Variants in DLGAP1 observed in about 807,000 individuals in gnomAD.
DLGAP1 encodes DLG associated protein 1.
In DLGAP1, 11 loss-of-function variants were observed where a neutral mutation model predicts 90.8. That is an observed-to-expected ratio of 0.12 (90% CI 0.08 to 0.20). DLGAP1 has a LOEUF of 0.20. Ranked by LOEUF, DLGAP1 falls within the 10% of genes least tolerant of loss-of-function variation. The pLI, the probability that DLGAP1 is intolerant of heterozygous loss-of-function variation, is 1.00. For synonymous variants in DLGAP1, 558 were observed against 540.7 expected, an observed-to-expected ratio of 1.03 and a Z score of -0.44; for missense variants, 1,050 against 1,333.8, an observed-to-expected ratio of 0.79 and a Z score of 3.31.
At chr18:3,923,196 T>C (rs2072307050) in intron 3 of DLGAP1, among the ~76,000 whole-genome samples, 1 of 150,934 alleles carries the variant, frequency 6.6e-6, no homozygotes, top group Non-Finnish European at 1.5e-5. Context: ...ATACTGTTCA[T>C]TGAATAGTGT....
intron 2 of DLGAP1, among the ~76,000 whole-genome samples, chr18:4,088,756 A>G (rs537815613): frequency 1.3e-5 from 2 of 152,286 alleles, no homozygotes; most frequent in South Asian, 2.1e-4. Context: ...ACATTCCTTC[A>G]TGTTAAAAAA....
intron 5 of DLGAP1, among the ~76,000 whole-genome samples, chr18:3,804,832 A>T (rs1024809979): frequency 1.3e-5 from 2 of 152,218 alleles, no homozygotes; most frequent in South Asian, 4.1e-4. Context: ...TTCAGATAGC[A>T]TTGAATCTCT....
intron 3 of DLGAP1, among the ~76,000 whole-genome samples, chr18:3,920,671 T>C (rs994768759): frequency 2.0e-5 from 3 of 152,110 alleles, no homozygotes; most frequent in Admixed American, 2.0e-4. Context: ...TCTCTCCCAC[T>C]CCGCTCCACC....
intron 9 of DLGAP1, among the ~76,000 whole-genome samples, chr18:3,556,868 C>T (rs1409318578): frequency 1.3e-5 from 2 of 152,160 alleles, no homozygotes; most frequent in Non-Finnish European, 2.9e-5. Context: ...CTAATCTCAA[C>T]ACGTTGGGAG....
chr18:3,799,301 C>T (rs899111000), intron 5 of DLGAP1, among the ~76,000 whole-genome samples: 11 of 152,152 alleles, frequency 7.2e-5, no homozygotes, highest in Non-Finnish European at 1.0e-4. Flanking sequence ...GCCTCTAAGT[C>T]AGCAGGACTG....
chr18:3,716,907 T>C (rs1482033920), intron 7 of DLGAP1, among the ~76,000 whole-genome samples: 1 of 151,756 alleles, frequency 6.6e-6, no homozygotes, highest in South Asian at 2.1e-4. Flanking sequence ...GGTGGGCGGA[T>C]TGCTTGAGGC....
intron 5 of DLGAP1, among the ~76,000 whole-genome samples, chr18:3,806,631 G>C (rs2066575308): frequency 6.6e-6 from 1 of 152,198 alleles, no homozygotes; most frequent in African/African-American, 2.4e-5. Context: ...ACTTTAACGG[G>C]AACATAGATA....
intron 1 of DLGAP1, among the ~76,000 whole-genome samples, chr18:4,152,468 C>G (rs1457509073): frequency 6.6e-6 from 1 of 152,132 alleles, no homozygotes; most frequent in Non-Finnish European, 1.5e-5. Context: ...GAGGCAGAGG[C>G]AGAATTACGT....
intron 2 of DLGAP1, among the ~76,000 whole-genome samples, chr18:4,120,823 CT>C (rs1338683924): frequency 6.9e-6 from 1 of 143,930 alleles, no homozygotes; most frequent in African/African-American, 2.6e-5. Flanking sequence ...CTTTTTCTTT[CT>C]TTTATTAATT....
chr18:4,024,645 G>T (rs182877084), intron 2 of DLGAP1, among the ~76,000 whole-genome samples: 2 of 152,158 alleles, frequency 1.3e-5, no homozygotes, highest in African/African-American at 4.8e-5. Context: ...ACCCAGAAAG[G>T]GGGGAGAAAT....
At chr18:3,814,629 G>A (rs980673458) in intron 4 of DLGAP1, among the ~76,000 whole-genome samples, 1 of 152,024 alleles carries the variant, frequency 6.6e-6, no homozygotes, top group Non-Finnish European at 1.5e-5. Context: ...CCAAAGTGCT[G>A]GGATTACAGG....
intron 6 of DLGAP1, among the ~76,000 whole-genome samples, chr18:3,734,849 A>G (rs1413462408): frequency 6.6e-6 from 1 of 152,106 alleles, no homozygotes; most frequent in Non-Finnish European, 1.5e-5. Context: ...TATTCCTCCC[A>G]CCAATTGTAT....
At chr18:4,382,046 C>T (rs907414915) in intron 1 of DLGAP1, among the ~76,000 whole-genome samples, 1 of 152,106 alleles carries the variant, frequency 6.6e-6, no homozygotes, top group African/African-American at 2.4e-5. Context: ...GAAAGACTTG[C>T]CCCCATGATT....
At position 3,636,668 on chromosome 18, in the gene DLGAP1, G is replaced by A. The variant is rs182786907; in HGVS notation, c.1592-54420C>T. On this transcript the variant is annotated intron_variant, in intron 7 of 12. Coordinates refer to ENST00000315677, the MANE Select transcript of DLGAP1 (RefSeq NM_004746.4). ...TGATCTCAAGTGATTCACCCGCCTC[G>A]GCCTCCCAAAGTGTTGGGATTACAG... Among the ~76,000 whole-genome samples the A allele has an allele frequency of 9.9e-4, 150 of 150,820 alleles. 1 individual carries two copies. The highest frequency in any genetic ancestry group is 3.5e-3 in the African/African-American group (145 of 40,970).
At chr18:4,229,356 C>G (rs558942767) in intron 1 of DLGAP1, among the ~76,000 whole-genome samples, 180 of 151,854 alleles carry the variant, frequency 1.2e-3, no homozygotes, top group Non-Finnish European at 1.7e-3. Context: ...CAAAAAAGAC[C>G]CAGAATAGCC....
At chr18:4,230,308 A>G (rs1411232123) in intron 1 of DLGAP1, among the ~76,000 whole-genome samples, 2 of 152,106 alleles carry the variant, frequency 1.3e-5, no homozygotes, top group African/African-American at 4.8e-5. Flanking sequence ...GTGAATTCGT[A>G]TTATCGAAGA....
chr18:4,043,335 G>A (rs547630020), intron 2 of DLGAP1, among the ~76,000 whole-genome samples: 11 of 152,292 alleles, frequency 7.2e-5, no homozygotes, highest in Middle Eastern at 6.8e-3. Flanking sequence ...AAACAGAATT[G>A]TCAAGGCAGA....
chr18:3,551,875 C>T (rs1451863674), intron 9 of DLGAP1, among the ~76,000 whole-genome samples: 9 of 150,610 alleles, frequency 6.0e-5, no homozygotes, highest in South Asian at 4.2e-4. Context: ...GCCTCCTAGG[C>T]TCAAGGGATC....
At chr18:3,590,151 C>G (rs2056147709) in intron 7 of DLGAP1, among the ~76,000 whole-genome samples, 1 of 152,166 alleles carries the variant, frequency 6.6e-6, no homozygotes, top group African/African-American at 2.4e-5. Context: ...CTCAGGTGAT[C>G]CAGCTCCCTT....
Sources: gnomAD v4.1 joint callset for allele counts (sites outside exome capture counted in the v4.1 genomes callset) on GRCh38, gnomAD v4.1.1 for gene constraint, MANE v1.5 for transcripts, NCBI Gene and HGNC (gene_info 2026-07-23, HGNC 2026-07-21) for gene names.